GBF1: variants seen among roughly 807,000 people sequenced by gnomAD.
The protein encoded by GBF1 is golgi brefeldin A resistant guanine nucleotide exchange factor 1.
GBF1 carries 114 observed loss-of-function variants against 210.5 expected under a neutral mutation model. That is an observed-to-expected ratio of 0.54 (90% confidence interval 0.47 to 0.63). The LOEUF is 0.63. GBF1 is among the 30% of genes least tolerant of loss of function. The pLI, the probability that GBF1 is intolerant of heterozygous loss-of-function variation, is 0.00. For synonymous variants in GBF1, 850 were observed against 889.2 expected, an observed-to-expected ratio of 0.96 and a Z score of 0.78; for missense variants, 1,851 against 2,357.7, an observed-to-expected ratio of 0.79 and a Z score of 4.45.
intron 1 of GBF1, among the ~76,000 whole-genome samples, chr10:102,246,556 CAG>C (rs1396119862): frequency 2.6e-5 from 4 of 152,156 alleles, no homozygotes; most frequent in Non-Finnish European, 4.4e-5. Context: ...TGACTGACAG[CAG>C]AGAGAGATAT....
chr10:102,361,539 C>T (rs2059603581), intron 13 of GBF1, among the ~76,000 whole-genome samples, 179 bp from the exon 14 acceptor site: 1 of 152,176 alleles, frequency 6.6e-6, no homozygotes, highest in Non-Finnish European at 1.5e-5. Context: ...GGCCTTATCC[C>T]CCAACATGGA....
chr10:102,368,446 A>G lies in GBF1; in HGVS notation c.2871A>G (p.Ser957=), dbSNP rs748316481. 3.8e-6 allele frequency: 6 copies of G among 1,589,298 alleles called. No homozygotes were observed. Among genetic ancestry groups the G allele is most frequent in the Non-Finnish European group, 5.2e-6 (6 of 1,157,610 alleles). ...AGACAATCATCCAGAAAGCCATCTC[A>G]GGCTTCAGGTAGCCCAGCTTTGGCC... ...LEETIIQKAI[S]GFRKCAMISA... Residue 957 remains serine (S), a synonymous_variant, in exon 22 of 40, where the codon TCA becomes TCG. Coordinates refer to ENST00000369983, the MANE Select transcript of GBF1 (RefSeq NM_001377137.1).
Position 102,327,744 on chromosome 10 carries a change from C to T in GBF1, c.164-16307C>T, listed in dbSNP as rs1240340066. The stretch of plus-strand genomic sequence containing the variant: ...CAAGAAGGCATGTGGCTGTAAAAAA[C>T]ATTAACTCTGCACTCTGGGCTGGAA... On this transcript the variant is annotated intron_variant, in intron 3 of 39. Transcript: ENST00000369983. Among the ~76,000 whole-genome samples, 6 of 152,180 alleles carry T rather than the reference C, an allele frequency of 3.9e-5. No individual in the cohort carries two copies. The South Asian group carries it at 8.3e-4, about 21-fold the overall frequency.
At chr10:102,326,661 T>A (rs192907145) in intron 3 of GBF1, among the ~76,000 whole-genome samples, 2 of 152,156 alleles carry the variant, frequency 1.3e-5, no homozygotes, top group Admixed American at 1.3e-4. Context: ...CCCAGAAATA[T>A]CCCCCATGCC....
chr10:102,361,287 GA>G (rs1233334824), intron 13 of GBF1, 167 bp downstream of exon 13: 1 of 594,838 alleles, frequency 1.7e-6, no homozygotes, highest in Non-Finnish European at 3.0e-6. Context: ...CTCTTTTGTG[GA>G]AAAGTTAAAA....
the GBF1 span, among the ~76,000 whole-genome samples, chr10:102,233,439 G>C: frequency 6.6e-6 from 1 of 151,714 alleles, no homozygotes; most frequent in Non-Finnish European, 1.5e-5. Flanking sequence ...ATGTAGCTGG[G>C]ACTACAGGCA....
chr10:102,345,143 G>T (rs1329877045), intron 4 of GBF1, among the ~76,000 whole-genome samples: 1 of 151,304 alleles, frequency 6.6e-6, no homozygotes, highest in Non-Finnish European at 1.5e-5. Flanking sequence ...TTAGCCAGGC[G>T]TGGTGGCGGG....
chr10:102,369,622 A>C (rs2060096717), intron 24 of GBF1, 89 bp from the exon 25 acceptor site: 2 of 1,216,844 alleles, frequency 1.6e-6, no homozygotes, highest in South Asian at 1.2e-5. Context: ...AGAAGACTAG[A>C]GGAGGAAATC....
chr10:102,333,724 G>T (rs1379368789), intron 3 of GBF1, among the ~76,000 whole-genome samples: 4 of 152,086 alleles, frequency 2.6e-5, no homozygotes. Context: ...ACCACACCTG[G>T]CCTGGACCAC....
the GBF1 span, among the ~76,000 whole-genome samples, chr10:102,232,769 T>C: frequency 6.6e-6 from 1 of 152,220 alleles, no homozygotes; most frequent in African/African-American, 2.4e-5. Flanking sequence ...CTCACCTGAA[T>C]GCTTAGTATC....
intron 3 of GBF1, among the ~76,000 whole-genome samples, chr10:102,317,183 GCT>G (rs1310935125): frequency 6.7e-6 from 1 of 149,076 alleles, no homozygotes; most frequent in Non-Finnish European, 1.5e-5. Context: ...GGTAGTCCCA[GCT>G]ACTCCAGAGG....
intron 3 of GBF1, among the ~76,000 whole-genome samples, chr10:102,343,829 T>G (rs1026187774): frequency 3.3e-5 from 5 of 151,634 alleles, no homozygotes; most frequent in Admixed American, 6.6e-5. Flanking sequence ...TAATATTGTG[T>G]TTTTGTTCTT....
intron 3 of GBF1, among the ~76,000 whole-genome samples, chr10:102,303,990 G>GTT (rs138807813): frequency 2.7e-5 from 4 of 148,936 alleles, no homozygotes; most frequent in African/African-American, 4.9e-5. Context: ...TTTTAATCTA[G>GTT]TTTTTTTTTT....
intron 3 of GBF1, among the ~76,000 whole-genome samples, chr10:102,329,177 GTT>G (rs2057138432): frequency 3.3e-5 from 5 of 152,218 alleles, no homozygotes; most frequent in Non-Finnish European, 5.9e-5. Context: ...AGTATTTAAG[GTT>G]GATACGCATC....
the GBF1 span, chr10:102,231,559 G>T: frequency 2.1e-5 from 31 of 1,455,854 alleles, no homozygotes; most frequent in Non-Finnish European, 2.7e-5. Flanking sequence ...GGCCCGCGCG[G>T]GTGCGAGTCG....
At chr10:102,351,564 T>C (rs1202726745) in intron 5 of GBF1, among the ~76,000 whole-genome samples, 190 bp downstream of exon 5, 1 of 152,170 alleles carries the variant, frequency 6.6e-6, no homozygotes, top group Non-Finnish European at 1.5e-5. Context: ...AAAAGCTTTA[T>C]ATGAAGTGAT....
chr10:102,240,649 C>T (rs975845608), upstream of GBF1, among the ~76,000 whole-genome samples: 4 of 152,228 alleles, frequency 2.6e-5, no homozygotes, highest in Non-Finnish European at 2.9e-5. Context: ...CTGTCCGCTC[C>T]GAGCCCCATG....
chr10:102,327,570 C>T (rs183884179), intron 3 of GBF1, among the ~76,000 whole-genome samples: 2 of 152,284 alleles, frequency 1.3e-5, no homozygotes, highest in Admixed American at 6.5e-5. Context: ...CGGCCCTCCT[C>T]TCTTTCTAGG....
upstream of GBF1, among the ~76,000 whole-genome samples, chr10:102,245,138 G>A (rs2070695691): frequency 6.6e-6 from 1 of 152,154 alleles, no homozygotes; most frequent in Admixed American, 6.5e-5. Flanking sequence ...CGTGGACAGG[G>A]GAGTAGGGAT....
Sources: allele counts gnomAD v4.1 joint callset (sites outside exome capture counted in the v4.1 genomes callset), GRCh38; gene constraint gnomAD v4.1.1; transcripts MANE v1.5; gene names NCBI Gene and HGNC (gene_info 2026-07-23, HGNC 2026-07-21).